SERP2: variants seen among roughly 807,000 people sequenced by gnomAD.
SERP2 encodes the protein stress associated endoplasmic reticulum protein family member 2, also known as stress-associated endoplasmic reticulum protein 2.
SERP2 carries 6 observed loss-of-function variants against 9.1 expected under a neutral mutation model. That is an observed-to-expected ratio of 0.66 (90% CI 0.36 to 1.30). The LOEUF is 1.30. Among genes scored for constraint, SERP2 ranks in the 50% most tolerant of loss-of-function variants. The pLI, the probability that SERP2 is intolerant of heterozygous loss-of-function variation, is 0.03. For missense variants in SERP2, 58 were observed against 81.9 expected (o/e 0.71, Z 1.13); for synonymous variants, 37 against 27.3 (o/e 1.35, Z -1.10).
At chr13:44,383,843 G>A (rs982927034) in intron 2 of SERP2, among the ~76,000 whole-genome samples, 1 of 151,664 alleles carries the variant, frequency 6.6e-6, no homozygotes, top group Non-Finnish European at 1.5e-5. Flanking sequence ...GAGCCAATGC[G>A]CTCGGCCACC....
At chr13:44,385,235 C>A (rs1383592004) in intron 2 of SERP2, among the ~76,000 whole-genome samples, 1 of 152,224 alleles carries the variant, frequency 6.6e-6, no homozygotes, top group Admixed American at 6.5e-5. Context: ...GCTTCCTCCT[C>A]CTCTGCATGT....
Position 44,382,777 on chromosome 13 carries a change from TC to T in SERP2, c.157+3068del, listed in dbSNP as rs372321144. Among the ~76,000 whole-genome samples, 6 of 152,306 alleles carry T rather than the reference TC, an allele frequency of 3.9e-5. No individual in the cohort carries two copies. In the South Asian group the frequency reaches 6.2e-4, roughly 16 times the overall value. ...TCAAGCAATCATCATGTCTTGAGGG[TC>T]CCCTCTGTGCCTGGCACTGTGCCGG... is the stretch of plus-strand genomic sequence containing the variant. On this transcript the variant is annotated intron_variant, in intron 2 of 2. Coordinates refer to ENST00000379179, the MANE Select transcript of SERP2 (RefSeq NM_001010897.3).
intron 2 of SERP2, chr13:44,390,917 C>G (rs1029630737): frequency 1.3e-5 from 2 of 152,272 alleles, no homozygotes; most frequent in Admixed American, 1.3e-4. Context: ...TCTACCAGCT[C>G]TTTCATCATT....
At chr13:44,392,409 T>C (rs1364101237) in intron 2 of SERP2, among the ~76,000 whole-genome samples, 1 of 151,826 alleles carries the variant, frequency 6.6e-6, no homozygotes, top group Non-Finnish European at 1.5e-5. Context: ...CAATATATTA[T>C]TTGCTTTTAT....
At chr13:44,388,590 T>C (rs954667446) in intron 2 of SERP2, among the ~76,000 whole-genome samples, 2 of 152,230 alleles carry the variant, frequency 1.3e-5, no homozygotes, top group African/African-American at 4.8e-5. Context: ...CGCTCTGCCA[T>C]TTCTGTGCAG....
intron 2 of SERP2, among the ~76,000 whole-genome samples, chr13:44,387,160 T>C (rs1246872912): frequency 6.6e-6 from 1 of 152,188 alleles, no homozygotes; most frequent in Non-Finnish European, 1.5e-5. Context: ...GTCACACAGA[T>C]AGGTCAACTG....
At chr13:44,388,323 T>A (rs1182573148) in intron 2 of SERP2, among the ~76,000 whole-genome samples, 1 of 126,922 alleles carries the variant, frequency 7.9e-6, no homozygotes, top group African/African-American at 3.1e-5. Context: ...TGAATGTGTA[T>A]GTGTTAGTGT....
intron 2 of SERP2, among the ~76,000 whole-genome samples, chr13:44,384,855 T>C (rs1872224999): frequency 6.6e-6 from 1 of 152,254 alleles, no homozygotes; most frequent in Non-Finnish European, 1.5e-5. Flanking sequence ...ATCATTGATG[T>C]GAGTCTCTTG....
At chr13:44,374,280 C>G (rs1398250508) in intron 1 of SERP2, among the ~76,000 whole-genome samples, 171 bp downstream of exon 1, 1 of 152,114 alleles carries the variant, frequency 6.6e-6, no homozygotes, top group Non-Finnish European at 1.5e-5. Context: ...TTCAGGGCGG[C>G]GCGGTCTGCT....
chr13:44,374,240 G>C, intron 1 of SERP2, 131 bp downstream of exon 1: 1 of 594,244 alleles, frequency 1.7e-6, no homozygotes, highest in Non-Finnish European at 2.6e-6. Context: ...CCTTCTGCGG[G>C]GTCCTGCAGA....
At chr13:44,376,409 T>C (rs1373483033) in intron 1 of SERP2, among the ~76,000 whole-genome samples, 1 of 152,214 alleles carries the variant, frequency 6.6e-6, no homozygotes, top group East Asian at 1.9e-4. Flanking sequence ...ATGCAGATGC[T>C]TCAGTATTTT....
chr13:44,374,769 T>C (rs1462754226), intron 1 of SERP2, among the ~76,000 whole-genome samples: 1 of 152,140 alleles, frequency 6.6e-6, no homozygotes, highest in Non-Finnish European at 1.5e-5. Flanking sequence ...CTCTTTTTTC[T>C]CTTTTACCTC....
At chr13:44,387,993 G>A (rs1165788150) in intron 2 of SERP2, among the ~76,000 whole-genome samples, 1 of 152,066 alleles carries the variant, frequency 6.6e-6, no homozygotes, top group Non-Finnish European at 1.5e-5. Context: ...CCCATCAAAG[G>A]GAAACCTCTG....
intron 1 of SERP2, among the ~76,000 whole-genome samples, chr13:44,375,346 C>T (rs978418566): frequency 1.3e-5 from 2 of 152,044 alleles, no homozygotes; most frequent in African/African-American, 4.8e-5. Context: ...ATACACAAGT[C>T]TAAGCATAAC....
At chr13:44,393,034 AAG>A (rs78750369) in intron 2 of SERP2, among the ~76,000 whole-genome samples, 1 of 51,204 alleles carries the variant, frequency 2.0e-5, no homozygotes, top group African/African-American at 4.8e-5. Context: ...AGGCCAAGGG[AAG>A]AGAGTTTCAA....
At chr13:44,381,848 C>A (rs1262015207) in intron 2 of SERP2, among the ~76,000 whole-genome samples, 1 of 152,192 alleles carries the variant, frequency 6.6e-6, no homozygotes, top group East Asian at 1.9e-4. Flanking sequence ...TTACTCATGA[C>A]CCTCATCAGC....
intron 1 of SERP2, among the ~76,000 whole-genome samples, chr13:44,379,360 A>G (rs957704262): frequency 3.9e-5 from 6 of 152,218 alleles, no homozygotes; most frequent in Non-Finnish European, 8.8e-5. Flanking sequence ...AAATCGCCAT[A>G]TTGGTTTATG....
At chr13:44,395,661 T>A (rs936746203) in intron 2 of SERP2, 43 of 222,630 alleles carry the variant, frequency 1.9e-4, no homozygotes, top group Non-Finnish European at 3.9e-4. Context: ...TAAGAAAATA[T>A]CTGAGCACAT....
chr13:44,395,139 T>C (rs1314793305), intron 2 of SERP2, among the ~76,000 whole-genome samples: 4 of 152,250 alleles, frequency 2.6e-5, no homozygotes, highest in African/African-American at 9.6e-5. Flanking sequence ...AATCTTTTTT[T>C]TCCTAATGTT....
Sources: allele counts gnomAD v4.1 joint callset (sites outside exome capture counted in the v4.1 genomes callset), GRCh38; gene constraint gnomAD v4.1.1; transcripts MANE v1.5; gene names NCBI Gene and HGNC (gene_info 2026-07-23, HGNC 2026-07-21).